Variants in SLC15A4 observed in about 807,000 individuals in gnomAD.
SLC15A4 encodes hPHT1.
Under a neutral mutation model 46.1 loss-of-function variants are expected in SLC15A4, and 26 were observed. The ratio of observed to expected loss-of-function variants is 0.56; its 90% confidence interval spans 0.41 to 0.78. The LOEUF (loss-of-function observed/expected upper bound fraction) is 0.78. SLC15A4 is among the 30% of genes least tolerant of loss of function. The pLI, the probability that SLC15A4 is intolerant of heterozygous loss-of-function variation, is 0.00. For missense variants in SLC15A4, 751 were observed against 755.7 expected, an observed-to-expected ratio of 0.99 and a Z score of 0.07; for synonymous variants, 370 against 333.4, an observed-to-expected ratio of 1.11 and a Z score of -1.20.
chr12:128,805,672 A>T (rs1411363570), intron 5 of SLC15A4, among the ~76,000 whole-genome samples: 1 of 152,116 alleles, frequency 6.6e-6, no homozygotes, highest in Non-Finnish European at 1.5e-5. Context: ...GCTGGGATTA[A>T]AGGCATGCGC....
intron 5 of SLC15A4, among the ~76,000 whole-genome samples, chr12:128,803,989 T>C (rs7962918): frequency 0.53 from 81,269 of 151,998 alleles, 22,450 homozygotes; most frequent in Non-Finnish European, 0.62. Context: ...TCTTGGACCA[T>C]GCACTCATCC....
chr12:128,812,947 G>A lies in SLC15A4; in HGVS notation c.842+1828C>T, dbSNP rs114360224. On this transcript the variant is annotated intron_variant, in intron 2 of 7. Coordinates refer to ENST00000266771, the MANE Select transcript of SLC15A4 (RefSeq NM_145648.4). ...TCAAAGACTATCCTAAGAGGAAATC[G>A]GCTTCCTAAGTAAAAGTAACTCCAA... is the stretch of plus-strand genomic sequence containing the variant. 4.2e-3 allele frequency among the ~76,000 whole-genome samples: 643 copies of A among 152,080 alleles called. 7 individuals carry two copies. Among genetic ancestry groups the A allele is most frequent in the African/African-American group, 0.014 (597 of 41,460 alleles).
chr12:128,802,525 T>C (rs548778818), intron 5 of SLC15A4, among the ~76,000 whole-genome samples: 2 of 152,176 alleles, frequency 1.3e-5, no homozygotes, highest in Non-Finnish European at 2.9e-5. Flanking sequence ...GAAAGCTGAA[T>C]ACCACTTTTC....
At chr12:128,802,675 A>G (rs4760593) in intron 5 of SLC15A4, among the ~76,000 whole-genome samples, 79,738 of 152,044 alleles carry the variant, frequency 0.52, 21,858 homozygotes, top group Non-Finnish European at 0.62. Flanking sequence ...TGCTACTGGC[A>G]TAGTTCTACC....
chr12:128,794,949 C>A (rs949995439), intron 7 of SLC15A4, among the ~76,000 whole-genome samples: 10 of 152,194 alleles, frequency 6.6e-5, no homozygotes, highest in African/African-American at 2.4e-4. Context: ...CAGTGTTCCT[C>A]TCCTCAACTA....
At chr12:128,807,750 A>C (rs1190856731) in intron 5 of SLC15A4, among the ~76,000 whole-genome samples, 1 of 152,258 alleles carries the variant, frequency 6.6e-6, no homozygotes, top group Non-Finnish European at 1.5e-5. Flanking sequence ...ATTATAAAGA[A>C]GGCACAGCAA....
intron 5 of SLC15A4, among the ~76,000 whole-genome samples, chr12:128,808,284 G>A (rs897880013): frequency 6.6e-6 from 1 of 152,224 alleles, no homozygotes; most frequent in Non-Finnish European, 1.5e-5. Flanking sequence ...TGTAGCGGGA[G>A]GAGATGCTGC....
At chr12:128,816,141 G>C (rs1469580551) in intron 1 of SLC15A4, among the ~76,000 whole-genome samples, 1 of 152,192 alleles carries the variant, frequency 6.6e-6, no homozygotes, top group Non-Finnish European at 1.5e-5. Flanking sequence ...AAAGCACTGA[G>C]GTAATAACGC....
chr12:128,816,951 T>TTG (rs780951303), intron 1 of SLC15A4, among the ~76,000 whole-genome samples: 5 of 152,212 alleles, frequency 3.3e-5, no homozygotes, highest in Non-Finnish European at 5.9e-5. Flanking sequence ...ATAGTTAAAA[T>TTG]TGTGTGTTCC....
rs1464445578 is a variant in SLC15A4, at chr12:128,814,837, C to T, written c.780G>A (p.Met260Ile). 3 of 1,614,106 alleles carry T rather than the reference C, an allele frequency of 1.9e-6. No individual in the cohort carries two copies. The highest frequency in any genetic ancestry group is 1.7e-6 in the Non-Finnish European group (2 of 1,180,052). The change falls in exon 2 of 8, where the codon ATG becomes ATA. Residue 260 changes from methionine (M) to isoleucine (I), a missense_variant. Transcript: ENST00000266771. ...KPPDGSAFTD[M>I]FKILTYSCCS... The stretch of plus-strand genomic sequence containing the variant: ...AGCAGGAATACGTCAGTATCTTGAA[C>T]ATGTCGGTGAAGGCACTGCCATCAG...
chr12:128,810,692 G>A (rs1593011607), intron 2 of SLC15A4, among the ~76,000 whole-genome samples: 1 of 152,156 alleles, frequency 6.6e-6, no homozygotes, highest in African/African-American at 2.4e-5. Context: ...GAGCTGTTGG[G>A]GGAGGGCGGT....
chr12:128,800,924 A>G lies in SLC15A4; in HGVS notation c.1344T>C (p.Asp448=), dbSNP rs375165571. The stretch of plus-strand genomic sequence containing the variant: ...GCGGCACCTGCCACCACAGCGACAG[A>G]TCGGCAGCATGGTAGACGACGTTGC... The part of the protein sequence containing the change: ...TIGNVVYHAA[D]LSLWWQVPQY... Residue 448 remains aspartate, a synonymous_variant, in exon 6 of 8, where the codon GAT becomes GAC. Transcript: ENST00000266771. 8 of 1,614,052 alleles carry G rather than the reference A, an allele frequency of 5.0e-6. No homozygotes were observed. In the African/African-American group the frequency reaches 1.1e-4, roughly 22 times the overall value.
intron 1 of SLC15A4, 112 bp downstream of exon 1, chr12:128,823,286 C>G: frequency 9.3e-7 from 1 of 1,076,620 alleles, no homozygotes; most frequent in Non-Finnish European, 1.2e-6. Context: ...AGAAGCCCCC[C>G]GGGGCAAGGG....
chr12:128,811,952 C>T (rs1184984447), intron 2 of SLC15A4, among the ~76,000 whole-genome samples: 1 of 152,208 alleles, frequency 6.6e-6, no homozygotes, highest in Non-Finnish European at 1.5e-5. Context: ...GACACCCGAA[C>T]ACCCACAAGA....
rs760092698 is a variant in SLC15A4, at chr12:128,799,888, C to T, written c.1415-471G>A. On this transcript the variant is annotated intron_variant, in intron 6 of 7. Transcript: ENST00000266771. ...CGGAGTTTTGCTCTTGTTGCCCAGG[C>T]TGGAGTGCAATGGCAGGATCTTGGC... Among the ~76,000 whole-genome samples, 94 of 152,174 alleles carry T rather than the reference C, an allele frequency of 6.2e-4. 1 individual carries two copies. The highest frequency in any genetic ancestry group is 8.8e-5 in the Non-Finnish European group (6 of 68,026).
intron 7 of SLC15A4, among the ~76,000 whole-genome samples, chr12:128,797,698 G>A (rs1327720642): frequency 6.6e-6 from 1 of 152,196 alleles, no homozygotes; most frequent in Non-Finnish European, 1.5e-5. Flanking sequence ...GACACCCCCG[G>A]AACCTGGCCT....
rs539185041 is a variant in SLC15A4 at position 128,802,585 on chromosome 12, A to AG, written c.1259-1577dup. Among the ~76,000 whole-genome samples, 358 of 152,292 alleles carry AG rather than the reference A, an allele frequency of 2.4e-3. 2 individuals are homozygous for AG. Among genetic ancestry groups the AG allele is most frequent in the African/African-American group, 8.1e-3 (336 of 41,562 alleles). ...CTAAGGATGACACCAAAGTGTCTGC[A>AG]GGGGGCGGGACAAGGGAAGGTTACT... is the stretch of plus-strand genomic sequence containing the variant. On this transcript the variant is annotated intron_variant, in intron 5 of 7. Transcript: ENST00000266771.
rs573021477 is a variant in SLC15A4 at position 128,814,770 on chromosome 12, C to G, written c.842+5G>C. 2 of 1,612,690 alleles carry G rather than the reference C, an allele frequency of 1.2e-6. No individual in the cohort carries two copies. Among genetic ancestry groups the G allele is most frequent in the Non-Finnish European group, 1.7e-6 (2 of 1,178,886 alleles). ...AACAGCCCAAGATGAGAACTAAGTG[C>G]TTACCCATTACTCTGGCGCTCTCCA... On this transcript the variant is annotated splice_donor_5th_base_variant and intron_variant, in intron 2 of 7. Transcript: ENST00000266771.
At chr12:128,808,452 C>G (rs1488575723) in intron 5 of SLC15A4, among the ~76,000 whole-genome samples, 2 of 152,164 alleles carry the variant, frequency 1.3e-5, no homozygotes, top group Non-Finnish European at 2.9e-5. Context: ...GAGGATGATA[C>G]AGTACCTTTA....
Sources: gnomAD v4.1 joint callset for allele counts (sites outside exome capture counted in the v4.1 genomes callset) on GRCh38, gnomAD v4.1.1 for gene constraint, MANE v1.5 for transcripts, NCBI Gene and HGNC (gene_info 2026-07-23, HGNC 2026-07-21) for gene names.